The following MYO5C variants were observed in gnomAD, a reference collection of about 807,000 sequenced individuals.
MYO5C encodes the protein myosin VC.
Under a neutral mutation model 235.7 loss-of-function variants are expected in MYO5C, and 194 were observed. The ratio of observed to expected loss-of-function variants is 0.82; its 90% CI spans 0.73 to 0.93. The LOEUF (loss-of-function observed/expected upper bound fraction) is 0.93, where lower values mean the gene tolerates loss of function less well. MYO5C is among the 40% of genes least tolerant of loss of function. MYO5C has a pLI of 0.00. For synonymous variants in MYO5C, 707 were observed against 754.8 expected (o/e 0.94, Z 1.04); for missense variants, 2,038 against 2,127.2 (o/e 0.96, Z 0.82).
chr15:52,246,233 G>C lies in MYO5C; in HGVS notation c.1980-191C>G, dbSNP rs184364209. On this transcript the variant is annotated intron_variant, in intron 16 of 40. Coordinates refer to ENST00000261839, the MANE Select transcript of MYO5C (RefSeq NM_018728.4). Reference sequence around the variant, plus strand: ...GTCCATAAAGATGCAGTGGGATATAGAGAAAGGAGCAGCTGACTCTGATGG... The same window carrying C: ...GTCCATAAAGATGCAGTGGGATATACAGAAAGGAGCAGCTGACTCTGATGG... 2.0e-5 allele frequency among the ~76,000 whole-genome samples: 3 copies of C among 152,314 alleles called. No homozygotes were observed. The East Asian group carries it at 5.8e-4, about 29-fold the overall frequency.
chr15:52,264,093 A>T (rs1427340132), intron 9 of MYO5C, 97 bp downstream of exon 9: 2 of 885,578 alleles, frequency 2.3e-6, no homozygotes, highest in Non-Finnish European at 3.5e-6. Context: ...CAGGAGGCCG[A>T]CTATATCTGG....
At chr15:52,226,744 CT>C (rs1390754645) in intron 25 of MYO5C, among the ~76,000 whole-genome samples, 2 of 152,212 alleles carry the variant, frequency 1.3e-5, no homozygotes, top group Admixed American at 6.5e-5. Flanking sequence ...GAAGGCCATG[CT>C]TTTCTTTGTA....
At chr15:52,286,937 T>TAAAAAAAAAAAAA (rs1056891976) in intron 1 of MYO5C, among the ~76,000 whole-genome samples, 1 of 50,234 alleles carries the variant, frequency 2.0e-5, no homozygotes, top group Non-Finnish European at 4.3e-5. Flanking sequence ...GAATGATCAA[T>TAAAAAAAAAAAAA]AAAAAAAAAA....
intron 4 of MYO5C, chr15:52,277,831 G>C (rs1411464850): frequency 2.2e-6 from 1 of 454,852 alleles, no homozygotes; most frequent in African/African-American, 2.0e-5. Context: ...CAGGAAAGCA[G>C]CACGTGTTCT....
intron 10 of MYO5C, among the ~76,000 whole-genome samples, chr15:52,259,871 AGG>A (rs2036655293): frequency 6.6e-6 from 1 of 152,240 alleles, no homozygotes; most frequent in Non-Finnish European, 1.5e-5. Flanking sequence ...AGGCAGCAGC[AGG>A]GCCGTGAAGG....
intron 10 of MYO5C, among the ~76,000 whole-genome samples, chr15:52,257,801 G>A (rs2036614297): frequency 1.3e-5 from 2 of 152,166 alleles, no homozygotes; most frequent in African/African-American, 4.8e-5. Context: ...GTTCTTAATC[G>A]CTCTAATCCT....
At chr15:52,223,402 A>T in intron 29 of MYO5C, 142 bp downstream of exon 29, 1 of 748,124 alleles carries the variant, frequency 1.3e-6, no homozygotes, top group Non-Finnish European at 2.1e-6. Context: ...TTTATAGTTT[A>T]ATCACCAGAC....
At chr15:52,226,281 G>C (rs2035820967) in intron 25 of MYO5C, among the ~76,000 whole-genome samples, 1 of 150,734 alleles carries the variant, frequency 6.6e-6, no homozygotes, top group African/African-American at 2.4e-5. Context: ...GCAGAGACTG[G>C]TGAGTCCAGG....
rs771412222 is a variant in MYO5C at position 52,237,469 on chromosome 15, G to T, written c.2868+13C>A. The T allele has an allele frequency of 8.1e-6, 13 of 1,611,324 alleles. No individual in the cohort carries two copies. The Admixed American group carries it at 2.2e-4, about 27-fold the overall frequency. ...CGCATATTTCCATCCCGTCTCACAC[G>T]CCCGCAGCTGACCTCTTCCACAGCA... On this transcript the variant is annotated intron_variant, in intron 22 of 40. Coordinates refer to ENST00000261839, the MANE Select transcript of MYO5C (RefSeq NM_018728.4).
In MYO5C at chr15:52,281,485, C is replaced by T. The variant is rs575773732; in HGVS notation, c.138+1297G>A. 2.0e-5 allele frequency among the ~76,000 whole-genome samples: 3 copies of T among 152,342 alleles called. No homozygotes were observed. In the South Asian group the frequency reaches 6.2e-4, roughly 32 times the overall value. On this transcript the variant is annotated intron_variant, in intron 2 of 40. Transcript: ENST00000261839. ...AAAGCCATCTGATCCCTAATCAGAA[C>T]CTTGTGCACAGGAGACACTCAATAA...
intron 4 of MYO5C, 93 bp downstream of exon 4, chr15:52,278,780 C>A: frequency 1.3e-6 from 2 of 1,492,806 alleles, no homozygotes; most frequent in Admixed American, 1.8e-5. Context: ...TTTTAATGAG[C>A]CCAACCTAGA....
Position 52,242,194 on chromosome 15 carries a change from C to A in MYO5C, c.2410G>T (p.Ala804Ser). 1 of 1,612,862 alleles carries A rather than the reference C, an allele frequency of 6.2e-7. No individual in the cohort carries two copies. Among genetic ancestry groups the A allele is most frequent in the Non-Finnish European group, 8.5e-7 (1 of 1,179,330 alleles). ...QTVRKAITAV[A>S]LKEAWAAIII... ...ATGGCTGCCCAAGCTTCTTTTAAGG[C>A]CACTGCAGTAATAGCTTTCCTTGGT... is the stretch of plus-strand genomic sequence containing the variant. The change falls in exon 20 of 41, where the codon GCC (alanine) becomes TCC (serine). Residue 804 changes from alanine to serine, a missense_variant. Ala to Ser is a moderately conservative substitution (Grantham distance 99). Coordinates refer to ENST00000261839, the MANE Select transcript of MYO5C (RefSeq NM_018728.4).
chr15:52,202,395 G>C (rs1424647815), intron 38 of MYO5C, among the ~76,000 whole-genome samples: 1 of 151,950 alleles, frequency 6.6e-6, no homozygotes, highest in East Asian at 1.9e-4. Context: ...AAAAAGAAAA[G>C]GATGGCCACT....
At position 52,224,880 on chromosome 15, in the gene MYO5C, TC is replaced by T. The variant is rs764709996; in HGVS notation, c.3446+20del. ...TATTATCTCTGAAAAATAAAGAAGA[TC>T]CCTGAGGAGAATTTCTAACCGTGTT... On this transcript the variant is annotated intron_variant, in intron 28 of 40. Coordinates refer to ENST00000261839, the MANE Select transcript of MYO5C (RefSeq NM_018728.4). The T allele has an allele frequency of 6.3e-7, 1 of 1,595,898 alleles. No homozygotes were observed. Among genetic ancestry groups the T allele is most frequent in the Non-Finnish European group, 8.6e-7 (1 of 1,167,626 alleles).
chr15:52,244,293 C>T (rs2036290745), intron 19 of MYO5C, 63 bp downstream of exon 19: 6 of 1,528,126 alleles, frequency 3.9e-6, no homozygotes, highest in Non-Finnish European at 5.4e-6. Flanking sequence ...GAGTCCTCCC[C>T]GCCGGAGATG....
At chr15:52,275,002 G>T (rs1265216552) in intron 5 of MYO5C, among the ~76,000 whole-genome samples, 1 of 152,160 alleles carries the variant, frequency 6.6e-6, no homozygotes, top group Non-Finnish European at 1.5e-5. Flanking sequence ...TTCCTTGAGG[G>T]CTGTCTCCTC....
At chr15:52,276,133 A>C (rs552811213) in intron 4 of MYO5C, among the ~76,000 whole-genome samples, 1 of 152,024 alleles carries the variant, frequency 6.6e-6, no homozygotes, top group East Asian at 1.9e-4. Flanking sequence ...GTAGGTCATC[A>C]TGCTGCCTGT....
chr15:52,271,232 A>ATT (rs71425738), intron 7 of MYO5C, among the ~76,000 whole-genome samples: 4 of 142,072 alleles, frequency 2.8e-5, no homozygotes, highest in Non-Finnish European at 3.1e-5. Context: ...CCAATGAGCT[A>ATT]TTTTTTTTTT....
intron 13 of MYO5C, among the ~76,000 whole-genome samples, chr15:52,250,250 T>A (rs1163238537): frequency 9.2e-6 from 1 of 108,590 alleles, no homozygotes; most frequent in Non-Finnish European, 1.9e-5. Context: ...TTCTTTTTCT[T>A]TTTTTTTTTT....
Sources: gnomAD v4.1 joint callset for allele counts (sites outside exome capture counted in the v4.1 genomes callset) on GRCh38, gnomAD v4.1.1 for gene constraint, MANE v1.5 for transcripts, NCBI Gene and HGNC (gene_info 2026-07-23, HGNC 2026-07-21) for gene names.